The following CCDC174 variants were observed in gnomAD, a reference collection of about 807,000 sequenced individuals.
CCDC174 encodes the protein coiled-coil domain containing 174.
Under a neutral mutation model 57.1 loss-of-function variants are expected in CCDC174, and 37 were observed. The ratio of observed to expected loss-of-function variants is 0.65; its 90% confidence interval spans 0.50 to 0.85. CCDC174 has a LOEUF of 0.85. Ranked by LOEUF, CCDC174 falls within the 40% of genes least tolerant of loss-of-function variation. The pLI, the probability that CCDC174 is intolerant of heterozygous loss-of-function variation, is 0.00. For synonymous variants in CCDC174, 182 were observed against 190.2 expected (o/e 0.96, Z 0.35); for missense variants, 540 against 574.3 (o/e 0.94, Z 0.61).
intron 4 of CCDC174, among the ~76,000 whole-genome samples, chr3:14,660,763 A>G (rs1025770617): frequency 2.0e-5 from 3 of 152,348 alleles, no homozygotes; most frequent in South Asian, 2.1e-4. Flanking sequence ...TGTGGGTTCA[A>G]TGTAGCTTAA....
At chr3:14,656,228 G>A (rs773895908) in intron 3 of CCDC174, among the ~76,000 whole-genome samples, 1 of 151,898 alleles carries the variant, frequency 6.6e-6, no homozygotes, top group Non-Finnish European at 1.5e-5. Context: ...CTATTTTGTG[G>A]TCCATATTCA....
intron 1 of CCDC174, among the ~76,000 whole-genome samples, chr3:14,654,176 A>G (rs538021338): frequency 6.6e-6 from 1 of 152,358 alleles, no homozygotes; most frequent in East Asian, 1.9e-4. Context: ...CTCCTTGCCT[A>G]AGGAAAGCCT....
intron 3 of CCDC174, 141 bp from the exon 4 acceptor site, chr3:14,658,730 T>G: frequency 1.2e-6 from 1 of 855,672 alleles, no homozygotes; most frequent in Non-Finnish European, 1.8e-6. Flanking sequence ...CTCCTCAGGA[T>G]GGTGTGGTCT....
chr3:14,660,116 A>T (rs2031080816), intron 4 of CCDC174, among the ~76,000 whole-genome samples: 2 of 152,384 alleles, frequency 1.3e-5, no homozygotes, highest in South Asian at 4.1e-4. Context: ...CTGAAGGGGC[A>T]GCAGGATGGC....
intron 1 of CCDC174, among the ~76,000 whole-genome samples, chr3:14,652,374 A>G (rs138344122): frequency 1.3e-5 from 2 of 152,334 alleles, no homozygotes; most frequent in African/African-American, 4.8e-5. Flanking sequence ...ACAGTTGTTA[A>G]TGCAGGCATA....
intron 10 of CCDC174, among the ~76,000 whole-genome samples, chr3:14,670,676 C>T (rs2031479619): frequency 6.6e-6 from 1 of 152,146 alleles, no homozygotes; most frequent in Non-Finnish European, 1.5e-5. Flanking sequence ...TTCTGTATTT[C>T]CCCATCTAGA....
intron 4 of CCDC174, among the ~76,000 whole-genome samples, chr3:14,659,719 T>C (rs2031065016): frequency 6.6e-6 from 1 of 151,550 alleles, no homozygotes. Context: ...AACAAAAAAC[T>C]CCCTTTTCTC....
intron 8 of CCDC174, among the ~76,000 whole-genome samples, chr3:14,667,747 T>C (rs564603812): frequency 9.1e-4 from 139 of 152,244 alleles, no homozygotes; most frequent in African/African-American, 3.2e-3. Flanking sequence ...ACTTTTGGGG[T>C]GGCTTGGATG....
At chr3:14,655,950 T>G (rs575595108) in intron 3 of CCDC174, among the ~76,000 whole-genome samples, 1 of 152,136 alleles carries the variant, frequency 6.6e-6, no homozygotes, top group Non-Finnish European at 1.5e-5. Context: ...AACCCTAAAC[T>G]TCCCCCCCAC....
At chr3:14,657,213 T>C (rs753646939) in intron 3 of CCDC174, among the ~76,000 whole-genome samples, 1 of 152,242 alleles carries the variant, frequency 6.6e-6, no homozygotes, top group Non-Finnish European at 1.5e-5. Context: ...TGCTGTGTTG[T>C]GGGAGTCAAG....
intron 2 of CCDC174, 80 bp from the exon 3 acceptor site, chr3:14,655,449 T>C (rs1160438075): frequency 1.8e-6 from 1 of 553,660 alleles, no homozygotes; most frequent in Non-Finnish European, 2.9e-6. Context: ...ATCTCCTTTG[T>C]TTTTTTTTTT....
At chr3:14,656,295 A>G (rs1267116344) in intron 3 of CCDC174, among the ~76,000 whole-genome samples, 1 of 152,248 alleles carries the variant, frequency 6.6e-6, no homozygotes, top group Non-Finnish European at 1.5e-5. Flanking sequence ...AAAAAAATCC[A>G]GGATTCAAAG....
intron 5 of CCDC174, 46 bp downstream of exon 5, chr3:14,661,753 C>T (rs973287700): frequency 1.5e-5 from 23 of 1,514,390 alleles, no homozygotes; most frequent in East Asian, 9.1e-5. Context: ...CTCAGACTTG[C>T]GCTGACATTT....
Position 14,661,722 on chromosome 3 carries a change from G to A in CCDC174, c.485+15G>A. ...AGTGAAGAATGGTTGGTAACATCAT[G>A]GATTAGCTCAGAGGAACATCCTCAG... On this transcript the variant is annotated intron_variant, in intron 5 of 10. Coordinates refer to ENST00000383794, the MANE Select transcript of CCDC174 (RefSeq NM_016474.5). 1 of 1,601,378 alleles carries A rather than the reference G, an allele frequency of 6.2e-7. No individual in the cohort carries two copies.
chr3:14,654,330 G>A (rs933310025), intron 1 of CCDC174, 96 bp from the exon 2 acceptor site: 13 of 694,720 alleles, frequency 1.9e-5, no homozygotes, highest in Middle Eastern at 2.6e-4. Flanking sequence ...TCCATTTAGC[G>A]GAACTTGAAA....
chr3:14,665,202 T>G (rs1239201641), intron 6 of CCDC174, 79 bp downstream of exon 6: 5 of 933,926 alleles, frequency 5.4e-6, no homozygotes, highest in South Asian at 2.6e-5. Flanking sequence ...GGAGGCTGTT[T>G]TATAATTAAT....
rs759690754 is a variant in CCDC174, at chr3:14,671,094, A to G, written c.1304A>G (p.His435Arg). Residue 435 changes from histidine to arginine, a missense_variant, in exon 11 of 11, where the codon CAT becomes CGT. His to Arg is a conservative substitution (Grantham distance 29, BLOSUM62 0). Coordinates refer to ENST00000383794, the MANE Select transcript of CCDC174 (RefSeq NM_016474.5). ...PDQSHGPSPE[H>R]TSPTPAPDNP... Reference sequence around the variant, plus strand: ...CAGAGCCACGGACCTAGCCCTGAACATACGTCACCCACTCCTGCCCCCGAC... The same window carrying G: ...CAGAGCCACGGACCTAGCCCTGAACGTACGTCACCCACTCCTGCCCCCGAC... 9 of 1,614,122 alleles carry G rather than the reference A, an allele frequency of 5.6e-6. No homozygotes were observed. The South Asian group carries it at 9.9e-5, about 18-fold the overall frequency.
Position 14,655,637 on chromosome 3 carries a change from T to TA in CCDC174, c.248+9dup, listed in dbSNP as rs1553606252. ...GACTTTAGACAAAGCAAGGTAAAGT[T>TA]ATAAGCTCTGGTAAATATAGTTAGC... On this transcript the variant is annotated intron_variant, in intron 3 of 10. Transcript: ENST00000383794. The TA allele has an allele frequency of 6.4e-7, 1 of 1,565,336 alleles. No homozygotes were observed. Among genetic ancestry groups the TA allele is most frequent in the Non-Finnish European group, 8.8e-7 (1 of 1,142,038 alleles).
At chr3:14,652,760 GGCGT>G (rs1478421061) in intron 1 of CCDC174, among the ~76,000 whole-genome samples, 1 of 152,044 alleles carries the variant, frequency 6.6e-6, no homozygotes, top group African/African-American at 2.4e-5. Flanking sequence ...AAATTAGCCG[GGCGT>G]GGTGGTGCAC....
Sources: gnomAD v4.1 joint callset for allele counts (sites outside exome capture counted in the v4.1 genomes callset) on GRCh38, gnomAD v4.1.1 for gene constraint, MANE v1.5 for transcripts, NCBI Gene and HGNC (gene_info 2026-07-23, HGNC 2026-07-21) for gene names.